The following SGCZ variants were observed in gnomAD, a reference collection of about 807,000 sequenced individuals.
The protein encoded by SGCZ is sarcoglycan zeta.
SGCZ carries 40 observed loss-of-function variants against 41.3 expected under a neutral mutation model. The ratio of observed to expected loss-of-function variants is 0.97; its 90% CI spans 0.75 to 1.26. SGCZ has a LOEUF of 1.26. Ranked by LOEUF, SGCZ falls within the 50% of genes most tolerant of loss-of-function variation. The pLI is 0.00. For synonymous variants in SGCZ, 206 were observed against 137.5 expected, an observed-to-expected ratio of 1.50 and a Z score of -3.49; for missense variants, 552 against 369.8, an observed-to-expected ratio of 1.49 and a Z score of -4.04.
chr8:14,365,031 T>C (rs536127719), intron 2 of SGCZ, among the ~76,000 whole-genome samples: 51 of 152,090 alleles, frequency 3.4e-4, no homozygotes, highest in Non-Finnish European at 6.6e-4. Context: ...TATGGTAAAA[T>C]GTACATATAT....
intron 2 of SGCZ, among the ~76,000 whole-genome samples, chr8:14,413,266 G>A (rs12544544): frequency 0.24 from 35,865 of 151,700 alleles, 4,381 homozygotes; most frequent in Non-Finnish European, 0.29. Flanking sequence ...ATCGACAAAG[G>A]GTACAGGTTA....
intron 1 of SGCZ, among the ~76,000 whole-genome samples, chr8:14,570,008 C>T (rs1379120374): frequency 6.6e-6 from 1 of 151,876 alleles, no homozygotes; most frequent in Non-Finnish European, 1.5e-5. Flanking sequence ...ACATAGCAAC[C>T]CTCCATTCCT....
chr8:15,123,288 T>C (rs1213519862), intron 1 of SGCZ, among the ~76,000 whole-genome samples: 2 of 152,210 alleles, frequency 1.3e-5, no homozygotes, highest in East Asian at 1.9e-4. Context: ...GAAAGGCTGA[T>C]GTATTTTATA....
intron 1 of SGCZ, among the ~76,000 whole-genome samples, chr8:15,045,227 C>G (rs1804258250): frequency 6.6e-6 from 1 of 151,940 alleles, no homozygotes; most frequent in African/African-American, 2.4e-5. Context: ...TTCAGATGGA[C>G]AAACAAGAGA....
chr8:14,908,758 AAAAAAG>A (rs971782840), intron 1 of SGCZ, among the ~76,000 whole-genome samples: 2 of 151,596 alleles, frequency 1.3e-5, no homozygotes, highest in Middle Eastern at 3.2e-3. Context: ...AAAAAAAAAA[AAAAAAG>A]AGAGAGAGAT....
At chr8:14,398,962 C>CTTG (rs1798995768) in intron 2 of SGCZ, among the ~76,000 whole-genome samples, 1 of 151,980 alleles carries the variant, frequency 6.6e-6, no homozygotes, top group East Asian at 1.9e-4. Flanking sequence ...TAAATTTCAA[C>CTTG]AAGTGTAAAT....
chr8:15,026,540 T>G (rs1188976668), intron 1 of SGCZ, among the ~76,000 whole-genome samples: 2 of 152,214 alleles, frequency 1.3e-5, no homozygotes, highest in African/African-American at 4.8e-5. Flanking sequence ...TTCCCATTTT[T>G]ATGTATTGTC....
At chr8:14,136,062 C>T (rs1298162128) in intron 5 of SGCZ, among the ~76,000 whole-genome samples, 1 of 152,128 alleles carries the variant, frequency 6.6e-6, no homozygotes, top group Non-Finnish European at 1.5e-5. Flanking sequence ...CATATAATTA[C>T]ACAGAGAAAT....
At chr8:14,513,826 T>C (rs1425676158) in intron 2 of SGCZ, among the ~76,000 whole-genome samples, 2 of 152,098 alleles carry the variant, frequency 1.3e-5, no homozygotes, top group African/African-American at 4.8e-5. Context: ...CCTCCCTCTA[T>C]GAAAATGTCA....
intron 2 of SGCZ, among the ~76,000 whole-genome samples, chr8:14,356,448 G>A (rs1213437111): frequency 6.6e-6 from 1 of 151,962 alleles, no homozygotes; most frequent in East Asian, 1.9e-4. Context: ...TGGAAATACT[G>A]TATATTAATG....
intron 3 of SGCZ, among the ~76,000 whole-genome samples, chr8:14,317,545 T>G (rs1801759072): frequency 6.6e-6 from 1 of 151,130 alleles, no homozygotes; most frequent in Admixed American, 6.6e-5. Flanking sequence ...AGCACAGGGG[T>G]CTATGACAAA....
chr8:15,087,546 C>T (rs184624658), intron 1 of SGCZ, among the ~76,000 whole-genome samples: 7 of 152,190 alleles, frequency 4.6e-5, no homozygotes, highest in Non-Finnish European at 1.0e-4. Context: ...GATTTCAAAG[C>T]ATTTGCGGAT....
Position 14,324,940 on chromosome 8 carries a change from A to G in SGCZ, c.235-736T>C, listed in dbSNP as rs146573077. On this transcript the variant is annotated intron_variant, in intron 2 of 7. Coordinates refer to ENST00000382080, the MANE Select transcript of SGCZ (RefSeq NM_139167.4). ...AGGTCCCTGGAGGGTGGAACAAAATAAACATTCTGGCAACATTTAGATAAC... is the reference window on the plus strand; with the variant it reads ...AGGTCCCTGGAGGGTGGAACAAAATGAACATTCTGGCAACATTTAGATAAC... 1.9e-3 allele frequency among the ~76,000 whole-genome samples: 295 copies of G among 152,300 alleles called. 1 individual carries two copies. Among genetic ancestry groups the G allele is most frequent in the African/African-American group, 6.9e-3 (286 of 41,576 alleles).
chr8:14,600,923 C>G (rs1164868120), intron 1 of SGCZ, among the ~76,000 whole-genome samples: 6 of 151,542 alleles, frequency 4.0e-5, no homozygotes, highest in African/African-American at 1.5e-4. Flanking sequence ...AACTTAACCT[C>G]AAAGTAATCT....
chr8:14,838,887 G>C (rs904643258), intron 1 of SGCZ, among the ~76,000 whole-genome samples: 67 of 152,108 alleles, frequency 4.4e-4, no homozygotes, highest in African/African-American at 1.6e-3. Flanking sequence ...AGCGGGAACA[G>C]GGTAACCAAA....
chr8:14,196,554 A>G (rs1363421480), intron 4 of SGCZ, among the ~76,000 whole-genome samples: 5 of 152,224 alleles, frequency 3.3e-5, no homozygotes, highest in Admixed American at 6.5e-5. Flanking sequence ...CAAGAGAAAT[A>G]AAAACCTACG....
At chr8:14,745,728 C>G (rs572534237) in intron 1 of SGCZ, among the ~76,000 whole-genome samples, 6 of 151,868 alleles carry the variant, frequency 4.0e-5, no homozygotes, top group African/African-American at 1.2e-4. Context: ...AACCGAGCTA[C>G]AAGAAGAAAT....
intron 5 of SGCZ, among the ~76,000 whole-genome samples, chr8:14,152,542 A>G (rs964971221): frequency 6.6e-6 from 1 of 152,210 alleles, no homozygotes; most frequent in African/African-American, 2.4e-5. Context: ...ATCATATGAC[A>G]ACACCAGACT....
chr8:14,407,429 C>T (rs1563309474), intron 2 of SGCZ, among the ~76,000 whole-genome samples: 1 of 152,048 alleles, frequency 6.6e-6, no homozygotes, highest in African/African-American at 2.4e-5. Context: ...TAAACATCAT[C>T]CACCTATGTG....
Sources: allele counts gnomAD v4.1 joint callset (sites outside exome capture counted in the v4.1 genomes callset), GRCh38; gene constraint gnomAD v4.1.1; transcripts MANE v1.5; gene names NCBI Gene and HGNC (gene_info 2026-07-23, HGNC 2026-07-21).